The following RNF113B variants were observed in gnomAD, a reference collection of about 807,000 sequenced individuals.
The protein encoded by RNF113B is ring finger protein 113B, also known as zinc finger protein 183-like 1.
A neutral mutation model predicts 22.2 loss-of-function variants in RNF113B; 12 were observed. That is an observed-to-expected ratio of 0.54 (90% confidence interval 0.35 to 0.87). The LOEUF (loss-of-function observed/expected upper bound fraction) is 0.87, where lower values mean the gene tolerates loss of function less well. Ranked by LOEUF, RNF113B falls within the 40% of genes least tolerant of loss-of-function variation. RNF113B has a pLI of 0.01. For missense variants in RNF113B, 442 were observed against 455.4 expected, an observed-to-expected ratio of 0.97 and a Z score of 0.27; for synonymous variants, 194 against 184.6, an observed-to-expected ratio of 1.05 and a Z score of -0.41.
rs1414581641 is a variant in RNF113B at position 98,177,067 on chromosome 13, G to A, written c.170C>T (p.Ala57Val). 2.5e-6 allele frequency: 4 copies of A among 1,596,646 alleles called. No individual in the cohort carries two copies. Among genetic ancestry groups the A allele is most frequent in the African/African-American group, 1.3e-5 (1 of 74,948 alleles). Residue 57 changes from alanine (A) to valine (V), a missense_variant, in exon 1 of 2, where the codon GCT becomes GTT. Physicochemically the swap from Ala to Val is moderately conservative, Grantham distance 64. Coordinates refer to ENST00000267291, the MANE Select transcript of RNF113B (RefSeq NM_178861.5). ...CCTCGGTGCCACCCGCGGGGGCTGA[G>A]CCACTGTGTCGCCCTCGTCCCCGCT... is the stretch of plus-strand genomic sequence containing the variant. ...SSSGDEGDTV[A>V]QPPRVAPRPR...
rs1878017962 is a variant in RNF113B, at chr13:98,176,316, C to T, written c.921G>A (p.Leu307=). 1 of 1,613,162 alleles carries T rather than the reference C, an allele frequency of 6.2e-7. No individual in the cohort carries two copies. The highest frequency in any genetic ancestry group is 8.5e-7 in the Non-Finnish European group (1 of 1,179,194). The change falls in exon 1 of 2, where the codon CTG becomes CTA. Residue 307 remains leucine, a synonymous_variant. Transcript: ENST00000267291. The surrounding 1 kb of genome is among the most constrained non-coding windows in gnomAD (Gnocchi z 6.2). ...CCTGAAGCTTTTGCAGTTTCGCCAT[C>T]AGTTCTTTGGCGGGGTTAAAGATGC... is the stretch of plus-strand genomic sequence containing the variant. The part of the protein sequence containing the change: ...TGGIFNPAKE[L]MAKLQKLQAA...
chr13:98,176,415 A>G lies in RNF113B; in HGVS notation c.822T>C (p.Tyr274=), dbSNP rs147722072. ...QNPVVTKCRH[Y]FCESCALEHF... is the part of the protein sequence containing the mutation. ...GCTCCAGCGCGCAGCTCTCGCAGAA[A>G]TAATGCCTGCACTTGGTGACGACTG... Residue 274 remains tyrosine, a synonymous_variant, in exon 1 of 2, where the codon TAT becomes TAC. Transcript: ENST00000267291. This position sits in a 1 kb window ranked among gnomAD's most constrained non-coding sequence, Gnocchi z 6.2. The G allele has an allele frequency of 1.4e-5, 23 of 1,614,100 alleles. No individual in the cohort carries two copies. The highest frequency in any genetic ancestry group is 1.2e-4 in the African/African-American group (9 of 74,930).
Position 98,176,701 on chromosome 13 carries a change from G to C in RNF113B, c.536C>G (p.Ala179Gly), listed in dbSNP as rs765866455. The change falls in exon 1 of 2, where the codon GCG (alanine) becomes GGG (glycine). Residue 179 changes from alanine to glycine, a missense_variant. Transcript: ENST00000267291. The surrounding 1 kb of genome is among the most constrained non-coding windows in gnomAD (Gnocchi z 6.2). The stretch of plus-strand genomic sequence containing the variant: ...CACAGTGGCGCGCAGATGCCCTGGC[G>C]CACGTATGGGGCCCTTCCTCGCCAT... ...SGMARKGPIR[A>G]PGHLRATVRW... The C allele has an allele frequency of 1.4e-5, 22 of 1,614,048 alleles. No individual in the cohort carries two copies. The highest frequency in any genetic ancestry group is 1.9e-5 in the Non-Finnish European group (22 of 1,180,030).
rs1877970806 is a variant in RNF113B at position 98,175,828 on chromosome 13, A to C, written c.*335T>G. On this transcript the variant is annotated 3_prime_UTR_variant, in exon 2 of 2. Coordinates refer to ENST00000267291, the MANE Select transcript of RNF113B (RefSeq NM_178861.5). ...ATTTCACTTAGCAGTGTCGTCTTCA[A>C]GGTTCATTCTAGTTGTAGCATGTGA... is the stretch of plus-strand genomic sequence containing the variant. 1 of 279,732 alleles carries C rather than the reference A, an allele frequency of 3.6e-6. No homozygotes were observed. Among genetic ancestry groups the C allele is most frequent in the African/African-American group, 2.2e-5 (1 of 45,636 alleles). 17.3% of individuals were successfully genotyped at this position (279,732 alleles called of 1,614,324 possible). A position where few individuals can be genotyped will look rare whatever the true frequency, so the allele number is the denominator to read the frequency against.
Position 98,175,985 on chromosome 13 carries a change from C to G in RNF113B, c.*178G>C, listed in dbSNP as rs759707265. On this transcript the variant is annotated 3_prime_UTR_variant, in exon 2 of 2. Coordinates refer to ENST00000267291, the MANE Select transcript of RNF113B (RefSeq NM_178861.5). ...CCATGGACACTTGGGTTGTTTACAC[C>G]TCTTGGCTTTTGCAAATAATTCTGC... 41 of 632,192 alleles carry G rather than the reference C, an allele frequency of 6.5e-5. No homozygotes were observed. The highest frequency in any genetic ancestry group is 9.2e-5 in the African/African-American group (5 of 54,228). 39.2% of individuals were successfully genotyped at this position (632,192 alleles called of 1,614,324 possible).
Position 98,176,979 on chromosome 13 carries a change from C to G in RNF113B, c.258G>C (p.Ala86=). 1 of 1,599,974 alleles carries G rather than the reference C, an allele frequency of 6.3e-7. No homozygotes were observed. The highest frequency in any genetic ancestry group is 8.5e-7 in the Non-Finnish European group (1 of 1,179,668). ...TGTACACCACGTCGAGGCTCTCAGG[C>G]GCCGCCTCCTCGCCCCTCCTGTCGC... ...AHGDRRGEEA[A]PESLDVVYRS... The change falls in exon 1 of 2, where the codon GCG becomes GCC. Residue 86 remains alanine (A), a synonymous_variant. Transcript: ENST00000267291. This position sits in a 1 kb window ranked among gnomAD's most constrained non-coding sequence, Gnocchi z 6.2.
Position 98,176,877 on chromosome 13 carries a change from C to T in RNF113B, c.360G>A (p.Lys120=), listed in dbSNP as rs1392026814. The part of the protein sequence containing the change: ...ATADFEQDTE[K]EHHTPTILKC... Reference sequence around the variant, plus strand: ...TGAGGATGGTCGGCGTATGGTGCTCCTTCTCGGTGTCCTGCTCGAAGTCAG... The same window carrying T: ...TGAGGATGGTCGGCGTATGGTGCTCTTTCTCGGTGTCCTGCTCGAAGTCAG... The change falls in exon 1 of 2, where the codon AAG becomes AAA. Residue 120 remains lysine (K), a synonymous_variant. Coordinates refer to ENST00000267291, the MANE Select transcript of RNF113B (RefSeq NM_178861.5). The surrounding 1 kb of genome is among the most constrained non-coding windows in gnomAD (Gnocchi z 6.2). 1.7e-5 allele frequency: 28 copies of T among 1,607,692 alleles called. 1 individual carries two copies. In the East Asian group the frequency reaches 6.2e-4, roughly 36 times the overall value.
rs1340437273 is a variant in RNF113B, at chr13:98,177,268, G to A, written c.-32C>T. The A allele has an allele frequency of 2.3e-5, 34 of 1,506,798 alleles. 1 individual carries two copies. The highest frequency in any genetic ancestry group is 1.7e-4 in the South Asian group (13 of 76,762). 93.3% of individuals were successfully genotyped at this position (1,506,798 alleles called of 1,614,324 possible). On this transcript the variant is annotated 5_prime_UTR_variant, in exon 1 of 2. It adds an upstream start codon to the 5' untranslated region. Transcript: ENST00000267291. ...GTCTCAGGCTCCCAACGGCCGTGGCGTGCGTCACCCTTGCGTCGCCCTTGC... is the reference window on the plus strand; with the variant it reads ...GTCTCAGGCTCCCAACGGCCGTGGCATGCGTCACCCTTGCGTCGCCCTTGC...
In RNF113B at chr13:98,176,645, C is replaced by T. The variant is rs1447200996; in HGVS notation, c.592G>A (p.Asp198Asn). 6.2e-6 allele frequency: 10 copies of T among 1,614,214 alleles called. No individual in the cohort carries two copies. Among genetic ancestry groups the T allele is most frequent in the Non-Finnish European group, 8.5e-6 (10 of 1,180,040 alleles). The change falls in exon 1 of 2, where the codon GAC (aspartate) becomes AAC (asparagine). Residue 198 changes from aspartate to asparagine, a missense_variant. By Grantham distance (23) the Asp-to-Asn change is conservative. Transcript: ENST00000267291. The surrounding 1 kb of genome is among the most constrained non-coding windows in gnomAD (Gnocchi z 6.2). The stretch of plus-strand genomic sequence containing the variant: ...CCACAGAAGCCAGTCTCCTTGTAGT[C>T]CTTGCAGATGTCAGGCTGGTAATCC... ...RWDYQPDICK[D>N]YKETGFCGFG... is the part of the protein sequence containing the mutation.
Position 98,177,230 on chromosome 13 carries a change from C to T in RNF113B, c.7G>A (p.Ala3Thr), listed in dbSNP as rs1326393055. Reference protein sequence around the residue: MAAPPSPGRTADQ... With the variant: MATPPSPGRTADQ... ...GCCGTCCTTCCTGGAGAAGGTGGCG[C>T]TGCCATGTTTGAGTCTCAGGCTCCC... Residue 3 changes from alanine (A) to threonine (T), a missense_variant, in exon 1 of 2, where the codon GCG (alanine) becomes ACG (threonine). Ala to Thr is a moderately conservative substitution (Grantham distance 58). Transcript: ENST00000267291. 3 of 1,552,240 alleles carry T rather than the reference C, an allele frequency of 1.9e-6. No individual in the cohort carries two copies. Among genetic ancestry groups the T allele is most frequent in the African/African-American group, 1.4e-5 (1 of 72,710 alleles).
chr13:98,176,541 C>G lies in RNF113B; in HGVS notation c.696G>C (p.Glu232Asp), dbSNP rs770024902. Residue 232 changes from glutamate (E) to aspartate (D), a missense_variant, in exon 1 of 2, where the codon GAG becomes GAC. Physicochemically the swap from Glu to Asp is conservative, Grantham distance 45 (BLOSUM62 2). Transcript: ENST00000267291. This position sits in a 1 kb window ranked among gnomAD's most constrained non-coding sequence, Gnocchi z 6.2. ...CGTCCTCGCAGATACAGTAGCGACCCTCTTCAAGCTCCCGTTCAATCTCCC... is the reference window on the plus strand; with the variant it reads ...CGTCCTCGCAGATACAGTAGCGACCGTCTTCAAGCTCCCGTTCAATCTCCC... ...LGWEIERELEEGRYCICEDEN... is the reference protein window; with the variant it reads ...LGWEIERELEDGRYCICEDEN... 6 of 1,614,236 alleles carry G rather than the reference C, an allele frequency of 3.7e-6. No individual in the cohort carries two copies. The highest frequency in any genetic ancestry group is 1.1e-5 in the South Asian group (1 of 91,086).
At position 98,176,136 on chromosome 13, in the gene RNF113B, C is replaced by T. The variant is rs1307460477; in HGVS notation, c.*27G>A. On this transcript the variant is annotated 3_prime_UTR_variant, in exon 2 of 2. Transcript: ENST00000267291. The surrounding 1 kb of genome is among the most constrained non-coding windows in gnomAD (Gnocchi z 6.2). ...TCTTACTCAACAGGCTGCTTCTCCC[C>T]AGTGTACATACAGACTTGAGTCTTT... 1 of 1,595,410 alleles carries T rather than the reference C, an allele frequency of 6.3e-7. No homozygotes were observed.
chr13:98,176,399 C>T lies in RNF113B; in HGVS notation c.838G>A (p.Ala280Thr), dbSNP rs1179103600. The stretch of plus-strand genomic sequence containing the variant: ...GGGGTGGCCCGGAAGTGCTCCAGCG[C>T]GCAGCTCTCGCAGAAATAATGCCTG... ...KCRHYFCESC[A>T]LEHFRATPRC... is the part of the protein sequence containing the mutation. Residue 280 changes from alanine to threonine, a missense_variant, in exon 1 of 2, where the codon GCG (alanine) becomes ACG (threonine). Transcript: ENST00000267291. This position sits in a 1 kb window ranked among gnomAD's most constrained non-coding sequence, Gnocchi z 6.2. The T allele has an allele frequency of 8.1e-6, 13 of 1,614,188 alleles. No homozygotes were observed. The highest frequency in any genetic ancestry group is 1.1e-5 in the Non-Finnish European group (13 of 1,180,046).
At position 98,176,457 on chromosome 13, in the gene RNF113B, G is replaced by A. The variant is rs142469809; in HGVS notation, c.780C>T (p.Arg260=). ...TGACGACTGGGTTTTGGAAGGCCTG[G>A]CGACATATGAAACACCTGAATGGTA... ...EEIPFRCFIC[R]QAFQNPVVTK... The change falls in exon 1 of 2, where the codon CGC becomes CGT. Residue 260 remains arginine, a synonymous_variant. Coordinates refer to ENST00000267291, the MANE Select transcript of RNF113B (RefSeq NM_178861.5). The surrounding 1 kb of genome is among the most constrained non-coding windows in gnomAD (Gnocchi z 6.2). The A allele has an allele frequency of 2.2e-5, 36 of 1,614,192 alleles. No homozygotes were observed. In the African/African-American group the frequency reaches 3.3e-4, roughly 15 times the overall value.
rs751760297 is a variant in RNF113B at position 98,176,192 on chromosome 13, A to T, written c.956-16T>A. The T allele has an allele frequency of 2.4e-5, 38 of 1,610,502 alleles. 2 individuals carry two copies. The South Asian group carries it at 4.2e-4, about 18-fold the overall frequency. ...CTCTTTTTTCCTAAAAGAACAAAAA[A>T]ATTTATTTAAATGTGAGAATTATGG... On this transcript the variant is annotated splice_polypyrimidine_tract_variant and intron_variant, in intron 1 of 1. Coordinates refer to ENST00000267291, the MANE Select transcript of RNF113B (RefSeq NM_178861.5). This position sits in a 1 kb window ranked among gnomAD's most constrained non-coding sequence, Gnocchi z 6.2.
In RNF113B at chr13:98,176,876, CCTT is replaced by C; in HGVS notation, c.358_360del (p.Lys120del). 3.1e-6 allele frequency: 5 copies of C among 1,607,842 alleles called. No individual in the cohort carries two copies. The Admixed American group carries it at 8.3e-5, about 27-fold the overall frequency. On this transcript the variant is annotated inframe_deletion, in exon 1 of 2. Transcript: ENST00000267291. This position sits in a 1 kb window ranked among gnomAD's most constrained non-coding sequence, Gnocchi z 6.2. ...TTGAGGATGGTCGGCGTATGGTGCTCCTTCTCGGTGTCCTGCTCGAAGTCAGCG... is the reference window on the plus strand; with the variant it reads ...TTGAGGATGGTCGGCGTATGGTGCTCCTCGGTGTCCTGCTCGAAGTCAGCG...
At position 98,177,203 on chromosome 13, in the gene RNF113B, C is replaced by T. The variant is rs753633234; in HGVS notation, c.34G>A (p.Asp12Asn). 82 of 1,574,068 alleles carry T rather than the reference C, an allele frequency of 5.2e-5. No individual in the cohort carries two copies. Among genetic ancestry groups the T allele is most frequent in the Non-Finnish European group, 6.8e-5 (79 of 1,161,044 alleles). Reference protein sequence around the residue: ...AAPPSPGRTADQADQVCTFLF... With the variant: ...AAPPSPGRTANQADQVCTFLF... Reference sequence around the variant, plus strand: ...AAGGTGCATACCTGGTCTGCTTGGTCGGCCGTCCTTCCTGGAGAAGGTGGC... The same window carrying T: ...AAGGTGCATACCTGGTCTGCTTGGTTGGCCGTCCTTCCTGGAGAAGGTGGC... The change falls in exon 1 of 2, where the codon GAC (aspartate) becomes AAC (asparagine). Residue 12 changes from aspartate to asparagine, a missense_variant. By Grantham distance (23) the Asp-to-Asn change is conservative (BLOSUM62 1). Coordinates refer to ENST00000267291, the MANE Select transcript of RNF113B (RefSeq NM_178861.5).
rs1413114605 is a variant in RNF113B at position 98,177,058 on chromosome 13, G to A, written c.179C>T (p.Pro60Leu). 4 of 1,594,828 alleles carry A rather than the reference G, an allele frequency of 2.5e-6. No individual in the cohort carries two copies. Among genetic ancestry groups the A allele is most frequent in the South Asian group, 1.1e-5 (1 of 90,612 alleles). Residue 60 changes from proline to leucine, a missense_variant, in exon 1 of 2, where the codon CCG becomes CTG. By Grantham distance (98) the Pro-to-Leu change is moderately conservative. Transcript: ENST00000267291. ...GDEGDTVAQP[P>L]RVAPRPRGLH... is the part of the protein sequence containing the mutation. Reference sequence around the variant, plus strand: ...GCCCCGGGGCCTCGGTGCCACCCGCGGGGGCTGAGCCACTGTGTCGCCCTC... The same window carrying A: ...GCCCCGGGGCCTCGGTGCCACCCGCAGGGGCTGAGCCACTGTGTCGCCCTC...
In RNF113B at chr13:98,176,700, C is replaced by T. The variant is rs199748911; in HGVS notation, c.537G>A (p.Ala179=). The T allele has an allele frequency of 1.9e-6, 3 of 1,614,178 alleles. No individual in the cohort carries two copies. Among genetic ancestry groups the T allele is most frequent in the African/African-American group, 1.3e-5 (1 of 75,056 alleles). ...GCACAGTGGCGCGCAGATGCCCTGG[C>T]GCACGTATGGGGCCCTTCCTCGCCA... The part of the protein sequence containing the change: ...SGMARKGPIR[A]PGHLRATVRW... The change falls in exon 1 of 2, where the codon GCG becomes GCA. Residue 179 remains alanine, a synonymous_variant. Transcript: ENST00000267291. The surrounding 1 kb of genome is among the most constrained non-coding windows in gnomAD (Gnocchi z 6.2).
Sources: allele counts gnomAD v4.1 joint callset, GRCh38; gene constraint gnomAD v4.1.1; non-coding constraint Gnocchi (gnomAD v3.1); transcripts MANE v1.5; gene names NCBI Gene and HGNC (gene_info 2026-07-23, HGNC 2026-07-21).